The following ZNF804B variants were observed in gnomAD, a reference collection of about 807,000 sequenced individuals.
ZNF804B encodes the protein zinc finger protein 804B.
Under a neutral mutation model 101.4 loss-of-function variants are expected in ZNF804B, and 80 were observed. That is an observed-to-expected ratio of 0.79 (90% CI 0.66 to 0.95). ZNF804B has a LOEUF of 0.95. ZNF804B is among the 40% of genes least tolerant of loss of function. The pLI, the probability that ZNF804B is intolerant of heterozygous loss-of-function variation, is 0.00. For missense variants in ZNF804B, 1,673 were observed against 1,561.9 expected (o/e 1.07, Z -1.20); for synonymous variants, 622 against 558.8 (o/e 1.11, Z -1.59).
chr7:89,189,629 T>C (rs1562909822), intron 1 of ZNF804B, among the ~76,000 whole-genome samples: 1 of 152,166 alleles, frequency 6.6e-6, no homozygotes, highest in Non-Finnish European at 1.5e-5. Context: ...GTGTCCAGCA[T>C]GTGGCATTCT....
intron 1 of ZNF804B, among the ~76,000 whole-genome samples, chr7:88,839,922 G>A (rs1791270977): frequency 6.6e-6 from 1 of 152,080 alleles, no homozygotes; most frequent in Non-Finnish European, 1.5e-5. Context: ...CCTATTAACT[G>A]GGACTATTTT....
chr7:88,873,675 G>C (rs1791876551), intron 1 of ZNF804B, among the ~76,000 whole-genome samples: 1 of 152,118 alleles, frequency 6.6e-6, no homozygotes, highest in Non-Finnish European at 1.5e-5. Flanking sequence ...TCCAGTTTCA[G>C]CTTTCTACAT....
Position 88,817,267 on chromosome 7 carries a change from A to G in ZNF804B, c.108+57183A>G, listed in dbSNP as rs376293735. Among the ~76,000 whole-genome samples, 279 of 152,286 alleles carry G rather than the reference A, an allele frequency of 1.8e-3. 2 individuals are homozygous for G. The highest frequency in any genetic ancestry group is 6.3e-3 in the African/African-American group (263 of 41,564). On this transcript the variant is annotated intron_variant, in intron 1 of 3. Transcript: ENST00000333190. ...GATGGGGGAGGGATAGCATTGGGAG[A>G]TATACTTAATGTAAATAATGAGTTA...
rs561607833 is a variant in ZNF804B at position 89,150,727 on chromosome 7, A to G, written c.109-67428A>G. On this transcript the variant is annotated intron_variant, in intron 1 of 3. Coordinates refer to ENST00000333190, the MANE Select transcript of ZNF804B (RefSeq NM_181646.5). ...TGAAATGCTTACCTATCAGTGGACA[A>G]AATGAGAAATGTTGAAAAAAGTCCA... Among the ~76,000 whole-genome samples, 18 of 152,254 alleles carry G rather than the reference A, an allele frequency of 1.2e-4. No homozygotes were observed. In the South Asian group the frequency reaches 1.9e-3, roughly 16 times the overall value.
At chr7:88,997,539 C>A (rs1168567509) in intron 1 of ZNF804B, among the ~76,000 whole-genome samples, 1 of 151,986 alleles carries the variant, frequency 6.6e-6, no homozygotes, top group African/African-American at 2.4e-5. Flanking sequence ...CATTTAAGTG[C>A]CTACATGTGG....
At chr7:89,300,633 A>G (rs1260397103) in intron 2 of ZNF804B, among the ~76,000 whole-genome samples, 1 of 151,886 alleles carries the variant, frequency 6.6e-6, no homozygotes, top group Non-Finnish European at 1.5e-5. Context: ...GCATAGCTGG[A>G]GAGCATTGGA....
At chr7:89,163,998 T>C (rs77849429) in intron 1 of ZNF804B, among the ~76,000 whole-genome samples, 2,259 of 152,104 alleles carry the variant, frequency 0.015, 48 homozygotes, top group South Asian at 0.031. Context: ...ATTTTTACAT[T>C]TTGTTAGTTT....
chr7:89,245,180 G>T (rs1789425498), intron 2 of ZNF804B, among the ~76,000 whole-genome samples: 1 of 151,926 alleles, frequency 6.6e-6, no homozygotes, highest in African/African-American at 2.4e-5. Context: ...ATGACTAGGA[G>T]ATTTTAATAA....
chr7:89,309,758 TCAAAAAAAAAAAA>T (rs1790620394), intron 2 of ZNF804B, among the ~76,000 whole-genome samples: 1 of 23,292 alleles, frequency 4.3e-5, no homozygotes, highest in African/African-American at 1.9e-4. Context: ...AGACCCTGTC[TCAAAAAAAAAAAA>T]AAAAAAAAAA....
intron 1 of ZNF804B, among the ~76,000 whole-genome samples, chr7:88,764,079 G>A (rs529542543): frequency 5.3e-5 from 8 of 152,124 alleles, no homozygotes; most frequent in African/African-American, 1.9e-4. Flanking sequence ...AAAACAAATA[G>A]CTTCTATGTA....
intron 1 of ZNF804B, among the ~76,000 whole-genome samples, chr7:88,861,361 C>T (rs1791641870): frequency 6.6e-6 from 1 of 152,128 alleles, no homozygotes; most frequent in South Asian, 2.1e-4. Context: ...GCCAGCAACA[C>T]ACAGGAAGGA....
intron 1 of ZNF804B, among the ~76,000 whole-genome samples, chr7:88,910,558 A>G (rs1470536528): frequency 6.6e-6 from 1 of 151,956 alleles, no homozygotes; most frequent in African/African-American, 2.4e-5. Context: ...GGCCCCATTC[A>G]GTGGCTGGTA....
At chr7:89,279,491 T>A (rs1790045963) in intron 2 of ZNF804B, among the ~76,000 whole-genome samples, 1 of 150,856 alleles carries the variant, frequency 6.6e-6, no homozygotes, top group Non-Finnish European at 1.5e-5. Flanking sequence ...TGTGGGTTTG[T>A]CATAGATAGC....
intron 1 of ZNF804B, among the ~76,000 whole-genome samples, chr7:89,017,465 CTA>C (rs1319112486): frequency 6.6e-6 from 1 of 152,142 alleles, no homozygotes; most frequent in East Asian, 1.9e-4. Flanking sequence ...ATGATATTGG[CTA>C]TGTTTGTCAT....
chr7:88,885,193 G>C (rs1257210503), intron 1 of ZNF804B, among the ~76,000 whole-genome samples: 2 of 151,682 alleles, frequency 1.3e-5, no homozygotes, highest in Non-Finnish European at 3.0e-5. Context: ...GAAAATAGTT[G>C]GGCATTATAT....
chr7:89,077,236 G>A (rs1184601513), intron 1 of ZNF804B, among the ~76,000 whole-genome samples: 1 of 152,134 alleles, frequency 6.6e-6, no homozygotes, highest in Non-Finnish European at 1.5e-5. Context: ...AGAAGTGGAG[G>A]GAAAGTATAA....
At chr7:88,780,386 C>CTTTTTTTTTTTTTTTTTTT (rs34619990) in intron 1 of ZNF804B, among the ~76,000 whole-genome samples, 1 of 111,198 alleles carries the variant, frequency 9.0e-6, no homozygotes, top group Admixed American at 1.0e-4. Context: ...ACTTTTTTGT[C>CTTTTTTTTTTTTTTTTTTT]TTTTTTTTTT....
Position 89,189,921 on chromosome 7 carries a change from T to G in ZNF804B, c.109-28234T>G, listed in dbSNP as rs1053478154. On this transcript the variant is annotated intron_variant, in intron 1 of 3. Coordinates refer to ENST00000333190, the MANE Select transcript of ZNF804B (RefSeq NM_181646.5). The stretch of plus-strand genomic sequence containing the variant: ...AATTTATAATGCCATAGATAGTGAT[T>G]TCTTTGATGGATCCGGGAAAGGTAA... 2.6e-5 allele frequency among the ~76,000 whole-genome samples: 4 copies of G among 152,182 alleles called. No homozygotes were observed. The East Asian group carries it at 5.8e-4, about 22-fold the overall frequency.
chr7:89,135,646 C>CTGATG (rs1214925105), intron 1 of ZNF804B, among the ~76,000 whole-genome samples: 9 of 152,048 alleles, frequency 5.9e-5, no homozygotes, highest in African/African-American at 2.2e-4. Context: ...CGTGTCCTAT[C>CTGATG]TGATGCACAA....
Sources: gnomAD v4.1 joint callset for allele counts (sites outside exome capture counted in the v4.1 genomes callset) on GRCh38, gnomAD v4.1.1 for gene constraint, MANE v1.5 for transcripts, NCBI Gene and HGNC (gene_info 2026-07-23, HGNC 2026-07-21) for gene names.